CDH19: variants seen among roughly 807,000 people sequenced by gnomAD.
CDH19 encodes cadherin 19.
CDH19 carries 67 observed loss-of-function variants against 64.2 expected under a neutral mutation model. The observed-to-expected ratio is 1.04, with a 90% CI of 0.86 to 1.28. The LOEUF (loss-of-function observed/expected upper bound fraction) is 1.28. CDH19 is among the 50% of genes most tolerant of loss of function. The pLI is 0.00. For missense variants in CDH19, 1,030 were observed against 929.0 expected (o/e 1.11, Z -1.41); for synonymous variants, 346 against 319.3 (o/e 1.08, Z -0.89).
intron 1 of CDH19, among the ~76,000 whole-genome samples, chr18:66,585,904 A>G (rs1044021451): frequency 2.6e-5 from 4 of 152,132 alleles, no homozygotes; most frequent in Non-Finnish European, 5.9e-5. Flanking sequence ...TAAGCTGAAA[A>G]TGAGCCCAGT....
intron 8 of CDH19, among the ~76,000 whole-genome samples, chr18:66,532,054 CCTCCT>C (rs1244230163): frequency 9.2e-5 from 14 of 152,120 alleles, no homozygotes; most frequent in African/African-American, 2.4e-4. Context: ...GCAACCTCCA[CCTCCT>C]AGGCTCAAGC....
intron 4 of CDH19, 101 bp downstream of exon 4, chr18:66,554,302 CAT>C: frequency 9.2e-7 from 1 of 1,086,986 alleles, no homozygotes; most frequent in East Asian, 2.5e-5. Flanking sequence ...TGCTTATTGA[CAT>C]ATCAGGACTA....
rs1334445822 is a variant in CDH19, at chr18:66,552,298, C to CA, written c.611-1041dup. On this transcript the variant is annotated intron_variant, in intron 4 of 11. Coordinates refer to ENST00000262150, the MANE Select transcript of CDH19 (RefSeq NM_021153.4). Reference sequence around the variant, plus strand: ...CACACCTGATTTCAAAGACTGAGAACAAAAAATGTGAACTATCTCCATAGT... The same window carrying CA: ...CACACCTGATTTCAAAGACTGAGAACAAAAAAATGTGAACTATCTCCATAGT... 2.9e-3 allele frequency among the ~76,000 whole-genome samples: 442 copies of CA among 151,882 alleles called. 10 individuals carry two copies. The highest frequency in any genetic ancestry group is 0.013 in the East Asian group (67 of 5,176).
chr18:66,584,233 A>G (rs1988509374), intron 1 of CDH19, among the ~76,000 whole-genome samples: 1 of 152,074 alleles, frequency 6.6e-6, no homozygotes, highest in African/African-American at 2.4e-5. Context: ...CTTGGCCAAC[A>G]AGCACATGAC....
At chr18:66,511,357 C>A (rs1477555639) in intron 10 of CDH19, among the ~76,000 whole-genome samples, 3 of 151,592 alleles carry the variant, frequency 2.0e-5, no homozygotes, top group Non-Finnish European at 4.4e-5. Flanking sequence ...AAAAGTGTTT[C>A]TACTTTGAAG....
chr18:66,540,994 C>T (rs1986865301), intron 7 of CDH19, among the ~76,000 whole-genome samples: 1 of 152,120 alleles, frequency 6.6e-6, no homozygotes, highest in South Asian at 2.1e-4. Context: ...TCTATCATCT[C>T]ACTTTCAAGT....
intron 1 of CDH19, among the ~76,000 whole-genome samples, chr18:66,600,497 T>G (rs1402964987): frequency 2.0e-5 from 3 of 151,902 alleles, no homozygotes; most frequent in Non-Finnish European, 2.9e-5. Flanking sequence ...AGTTAAGAAT[T>G]GTATGTTTTA....
At position 66,572,114 on chromosome 18, in the gene CDH19, CT is replaced by C; in HGVS notation, c.90del (p.Val31SerfsTer9). ...LGATENSQTKKVKQPVRSHLR... is the reference protein window; with the variant it reads ...LGATENSQTKXVKQPVRSHLR... ...AAATGAGATCGCACTGGCTGCTTGACTTTCTTTGTTTGAGAGTTTTCTGTTG... is the reference window on the plus strand; with the variant it reads ...AAATGAGATCGCACTGGCTGCTTGACTTCTTTGTTTGAGAGTTTTCTGTTG... On this transcript the variant is annotated frameshift_variant, in exon 2 of 12. Coordinates refer to ENST00000262150, the MANE Select transcript of CDH19 (RefSeq NM_021153.4). LOFTEE classifies it high-confidence loss of function. 1.2e-6 allele frequency: 2 copies of C among 1,611,684 alleles called. No homozygotes were observed. Among genetic ancestry groups the C allele is most frequent in the Non-Finnish European group, 1.7e-6 (2 of 1,178,476 alleles).
chr18:66,536,485 A>G (rs1349611580), intron 7 of CDH19, among the ~76,000 whole-genome samples: 1 of 151,800 alleles, frequency 6.6e-6, no homozygotes, highest in Non-Finnish European at 1.5e-5. Context: ...TTTGAATTAA[A>G]CATCTAATCC....
At chr18:66,590,526 TAA>T (rs34507203) in intron 1 of CDH19, among the ~76,000 whole-genome samples, 33,800 of 147,302 alleles carry the variant, frequency 0.23, 5,186 homozygotes, top group African/African-American at 0.44. Flanking sequence ...CGTATATCTT[TAA>T]AAAAAAAAAA....
intron 3 of CDH19, among the ~76,000 whole-genome samples, chr18:66,559,081 T>C (rs748320892): frequency 2.6e-5 from 4 of 152,064 alleles, no homozygotes; most frequent in Non-Finnish European, 5.9e-5. Context: ...CACTCATCAC[T>C]ATGAATTGCT....
intron 3 of CDH19, among the ~76,000 whole-genome samples, chr18:66,558,083 G>T (rs1987586085): frequency 1.3e-5 from 2 of 151,082 alleles, no homozygotes; most frequent in Non-Finnish European, 2.9e-5. Context: ...TGCAGAGGTT[G>T]CAGTGTTCAG....
intron 9 of CDH19, among the ~76,000 whole-genome samples, chr18:66,521,136 T>C (rs990077538): frequency 6.6e-6 from 1 of 152,122 alleles, no homozygotes; most frequent in Admixed American, 6.5e-5. Flanking sequence ...TTACTAAAAA[T>C]GTTCACTTCC....
chr18:66,579,569 G>A (rs1297403745), intron 1 of CDH19, among the ~76,000 whole-genome samples: 3 of 151,782 alleles, frequency 2.0e-5, no homozygotes, highest in Admixed American at 1.3e-4. Flanking sequence ...AAAAAGCATT[G>A]ATCTACCACA....
chr18:66,509,370 C>T (rs1420663080), intron 10 of CDH19, 124 bp from the exon 11 acceptor site: 14 of 769,232 alleles, frequency 1.8e-5, no homozygotes, highest in East Asian at 1.1e-4. Context: ...AAAAGGAAGA[C>T]GAAATTTCTG....
At chr18:66,582,526 A>T (rs898832235) in intron 1 of CDH19, among the ~76,000 whole-genome samples, 1 of 150,840 alleles carries the variant, frequency 6.6e-6, no homozygotes, top group African/African-American at 2.4e-5. Flanking sequence ...TTAATAACCC[A>T]TGTGTCAACT....
chr18:66,526,126 A>G (rs1278720873), intron 9 of CDH19, among the ~76,000 whole-genome samples: 1 of 152,164 alleles, frequency 6.6e-6, no homozygotes, highest in East Asian at 1.9e-4. Context: ...CTTTATGATT[A>G]GCATGGAATA....
chr18:66,551,221 C>G lies in CDH19; in HGVS notation c.648G>C (p.Leu216=), dbSNP rs1318491760. The G allele has an allele frequency of 3.2e-6, 5 of 1,559,976 alleles. No individual in the cohort carries two copies. Among genetic ancestry groups the G allele is most frequent in the Admixed American group, 1.7e-5 (1 of 59,736 alleles). The change falls in exon 5 of 12, where the codon CTG becomes CTC. Residue 216 remains leucine (L), a synonymous_variant. Coordinates refer to ENST00000262150, the MANE Select transcript of CDH19 (RefSeq NM_021153.4). The stretch of plus-strand genomic sequence containing the variant: ...GAATGATTACCCAATACTCATCTTG[C>G]AGTTCTCTATCCATTTTAGAAGATA... ...IRISSKMDRE[L]QDEYWVIIQA... is the part of the protein sequence containing the mutation.
chr18:66,515,855 T>C (rs1322360596), intron 9 of CDH19, among the ~76,000 whole-genome samples: 3 of 151,842 alleles, frequency 2.0e-5, no homozygotes, highest in African/African-American at 7.2e-5. Context: ...ATGTATTTCA[T>C]TAGTACTTAC....
Sources: gnomAD v4.1 joint callset for allele counts (sites outside exome capture counted in the v4.1 genomes callset) on GRCh38, gnomAD v4.1.1 for gene constraint, MANE v1.5 for transcripts, NCBI Gene and HGNC (gene_info 2026-07-23, HGNC 2026-07-21) for gene names.